ILDR1: variants seen among roughly 807,000 people sequenced by gnomAD.
ILDR1 encodes immunoglobulin like domain containing receptor 1, also known as immunoglobulin-like domain-containing receptor 1.
ILDR1 carries 56 observed loss-of-function variants against 62.4 expected under a neutral mutation model. The ratio of observed to expected loss-of-function variants is 0.90; its 90% CI spans 0.72 to 1.12. The LOEUF (loss-of-function observed/expected upper bound fraction) is 1.12, where lower values mean the gene tolerates loss of function less well. Among genes scored for constraint, ILDR1 ranks in the 50% most tolerant of loss-of-function variants. The probability of loss-of-function intolerance (pLI) is 0.00; values close to 1 mark genes in which losing one functional copy is unlikely to be tolerated. For missense variants in ILDR1, 736 were observed against 710.6 expected (o/e 1.04, Z -0.41); for synonymous variants, 284 against 277.8 (o/e 1.02, Z -0.22).
At chr3:122,007,354 C>T (rs2071630981) in intron 1 of ILDR1, 193 bp from the exon 2 acceptor site, 1 of 1,223,720 alleles carries the variant, frequency 8.2e-7, no homozygotes, top group Non-Finnish European at 1.1e-6. Context: ...TCAGCAGCCT[C>T]AGAGGGACAT....
the ILDR1 span, among the ~76,000 whole-genome samples, chr3:122,036,741 A>G: frequency 1.3e-5 from 2 of 152,232 alleles, no homozygotes; most frequent in African/African-American, 4.8e-5. Context: ...GTTAATAACC[A>G]AAACAATGGG....
chr3:122,032,541 A>G, the ILDR1 span, among the ~76,000 whole-genome samples: 1 of 152,206 alleles, frequency 6.6e-6, no homozygotes, highest in Non-Finnish European at 1.5e-5. Flanking sequence ...AGATATGTCC[A>G]TAAATTCTTC....
chr3:122,057,537 A>G, the ILDR1 span, among the ~76,000 whole-genome samples: 4 of 152,382 alleles, frequency 2.6e-5, no homozygotes, highest in South Asian at 8.3e-4. Flanking sequence ...AAATATAGGT[A>G]GTTTGTATTT....
chr3:122,026,912 G>A (rs1270033586), upstream of ILDR1, among the ~76,000 whole-genome samples: 1 of 152,122 alleles, frequency 6.6e-6, no homozygotes, highest in African/African-American at 2.4e-5. Context: ...AGAATATAAA[G>A]AGAATCTATA....
At chr3:122,018,367 A>G (rs930590853) in intron 1 of ILDR1, among the ~76,000 whole-genome samples, 4 of 135,518 alleles carry the variant, frequency 3.0e-5, no homozygotes, top group Non-Finnish European at 6.3e-5. Context: ...CAGGGAGGGG[A>G]ACATCACACA....
the ILDR1 span, among the ~76,000 whole-genome samples, chr3:122,049,384 A>C: frequency 6.6e-6 from 1 of 152,236 alleles, no homozygotes; most frequent in Admixed American, 6.5e-5. Flanking sequence ...TATGTTTATC[A>C]GGTCCATTTG....
chr3:122,027,866 C>T, the ILDR1 span, among the ~76,000 whole-genome samples: 1 of 152,116 alleles, frequency 6.6e-6, no homozygotes, highest in Non-Finnish European at 1.5e-5. Flanking sequence ...AATTTATAGC[C>T]AGACGGTCAG....
upstream of ILDR1, among the ~76,000 whole-genome samples, chr3:122,027,232 C>T (rs894952344): frequency 4.1e-4 from 63 of 152,218 alleles, no homozygotes; most frequent in African/African-American, 1.4e-3. Context: ...TCTTGTCATC[C>T]AGGCTGGACT....
intron 1 of ILDR1, among the ~76,000 whole-genome samples, chr3:122,020,349 C>A (rs1209810705): frequency 2.6e-5 from 4 of 152,108 alleles, no homozygotes; most frequent in Non-Finnish European, 5.9e-5. Flanking sequence ...CGTAACTTGC[C>A]CAGTGTCACA....
chr3:122,001,983 A>C, intron 3 of ILDR1, 119 bp from the exon 4 acceptor site: 1 of 1,183,274 alleles, frequency 8.5e-7, no homozygotes, highest in East Asian at 2.6e-5. Context: ...AAAATAATAA[A>C]AAAAAAATTA....
chr3:122,047,508 C>A, the ILDR1 span, among the ~76,000 whole-genome samples: 2 of 152,260 alleles, frequency 1.3e-5, no homozygotes, highest in South Asian at 2.1e-4. Flanking sequence ...GCGCCCCTCC[C>A]CCAGCCTCGC....
chr3:121,993,151 G>T lies in ILDR1; in HGVS notation c.1598C>A (p.Ser533Ter). The T allele has an allele frequency of 6.3e-7, 1 of 1,583,884 alleles. No homozygotes were observed. Among genetic ancestry groups the T allele is most frequent in the South Asian group, 1.1e-5 (1 of 86,980 alleles). Residue 533 changes from serine (S) to a stop codon, truncating the protein, a stop_gained and splice_region_variant, in exon 7 of 8, where the codon TCG (serine) becomes TAG (stop). Coordinates refer to ENST00000344209, the MANE Select transcript of ILDR1 (RefSeq NM_001199799.2). LOFTEE classifies it high-confidence loss of function. ...SRKKGSVERRSEKDSSHSGRS... is the reference protein window; with the variant it reads ...SRKKGSVERR ...CTCAGCAGGATGCCCCAGGCTCACC[G>T]AGCGCCTCTCCACACTCCCTTTTTT...
intron 3 of ILDR1, among the ~76,000 whole-genome samples, chr3:122,004,436 A>G (rs144682297): frequency 2.6e-5 from 4 of 152,332 alleles, no homozygotes; most frequent in African/African-American, 4.8e-5. Context: ...GCTAGGTACT[A>G]TGGCAAGTCC....
At chr3:121,995,467 A>T (rs969346513) in intron 5 of ILDR1, among the ~76,000 whole-genome samples, 4 of 152,230 alleles carry the variant, frequency 2.6e-5, no homozygotes, top group African/African-American at 9.6e-5. Context: ...GGGGTCATCC[A>T]GTGGGCTGCT....
chr3:122,031,696 G>A, the ILDR1 span, among the ~76,000 whole-genome samples: 7 of 152,220 alleles, frequency 4.6e-5, no homozygotes, highest in African/African-American at 1.7e-4. Context: ...AGCCATCTAT[G>A]AACCAGGAAG....
At chr3:121,989,857 A>G (rs952812539) in intron 7 of ILDR1, among the ~76,000 whole-genome samples, 7 of 133,822 alleles carry the variant, frequency 5.2e-5, no homozygotes, top group African/African-American at 1.9e-4. Context: ...TTGTTTGTCA[A>G]TATCTATTTG....
At chr3:122,017,329 G>A (rs767030697) in intron 1 of ILDR1, among the ~76,000 whole-genome samples, 18 of 151,688 alleles carry the variant, frequency 1.2e-4, no homozygotes, top group South Asian at 4.2e-4. Context: ...GATTACAGGC[G>A]TGAGCCACCG....
chr3:121,996,932 G>GC (rs1240999470), intron 5 of ILDR1, among the ~76,000 whole-genome samples: 1 of 151,980 alleles, frequency 6.6e-6, no homozygotes, highest in Non-Finnish European at 1.5e-5. Context: ...ATGGAGTCTC[G>GC]CTATGTCACC....
Position 121,993,266 on chromosome 3 carries a change from G to A in ILDR1, c.1483C>T (p.His495Tyr). 3.1e-6 allele frequency: 5 copies of A among 1,613,536 alleles called. No homozygotes were observed. Among genetic ancestry groups the A allele is most frequent in the Non-Finnish European group, 4.2e-6 (5 of 1,179,768 alleles). ...TGTGGGGAGTGCGAGCCGCGGCGGT[G>A]GGCCCGCCAGCTCTGGGGCTGCCTC... The part of the protein sequence containing the change: ...KERQPQSWRA[H>Y]RRGSHSPHWP... The change falls in exon 7 of 8, where the codon CAC becomes TAC. Residue 495 changes from histidine to tyrosine, a missense_variant. Transcript: ENST00000344209.
Sources: gnomAD v4.1 joint callset for allele counts (sites outside exome capture counted in the v4.1 genomes callset) on GRCh38, gnomAD v4.1.1 for gene constraint, MANE v1.5 for transcripts, NCBI Gene and HGNC (gene_info 2026-07-23, HGNC 2026-07-21) for gene names.